Variants in DHX15 observed in about 807,000 individuals in gnomAD.
DHX15 encodes the protein DEAH-box helicase 15, also known as ATP-dependent RNA helicase DHX15.
In DHX15, 11 loss-of-function variants were observed where a neutral mutation model predicts 94.4. That is an observed-to-expected ratio of 0.12 (90% CI 0.07 to 0.19). The LOEUF is 0.19. Ranked by LOEUF, DHX15 falls within the 10% of genes least tolerant of loss-of-function variation. The probability of loss-of-function intolerance (pLI) is 1.00; values close to 1 mark genes in which losing one functional copy is unlikely to be tolerated. For synonymous variants in DHX15, 338 were observed against 329.9 expected, an observed-to-expected ratio of 1.02 and a Z score of -0.27; for missense variants, 304 against 988.5, an observed-to-expected ratio of 0.31 and a Z score of 9.29.
intron 6 of DHX15, among the ~76,000 whole-genome samples, chr4:24,547,893 G>GTATATATATATA (rs1403248233): frequency 7.5e-5 from 5 of 66,732 alleles, no homozygotes; most frequent in Non-Finnish European, 1.6e-4. Flanking sequence ...CTCTCTCTAT[G>GTATATATATATA]TATGTATGTG....
chr4:24,558,719 T>C lies in DHX15; in HGVS notation c.702-2309A>G, dbSNP rs541486016. Among the ~76,000 whole-genome samples, 10 of 152,234 alleles carry C rather than the reference T, an allele frequency of 6.6e-5. No homozygotes were observed. In the East Asian group the frequency reaches 1.7e-3, roughly 26 times the overall value. On this transcript the variant is annotated intron_variant, in intron 3 of 13. Transcript: ENST00000336812. ...AGTTAATATGGGATACTGCTGTTTG[T>C]ACAATGAATAATTTCAAGAAAAATG...
At position 24,537,292 on chromosome 4, in the gene DHX15, C is replaced by T; in HGVS notation, c.1787-119G>A. 1 of 1,315,608 alleles carries T rather than the reference C, an allele frequency of 7.6e-7. No individual in the cohort carries two copies. The highest frequency in any genetic ancestry group is 1.0e-6 in the Non-Finnish European group (1 of 967,468). The allele number at this position is 1,315,608 out of a possible 1,614,324, so 81.5% of individuals were successfully genotyped here. A position where few individuals can be genotyped will look rare whatever the true frequency, so the allele number is the denominator to read the frequency against. On this transcript the variant is annotated intron_variant, in intron 10 of 13. Coordinates refer to ENST00000336812, the MANE Select transcript of DHX15 (RefSeq NM_001358.3). The surrounding 1 kb of genome is among the most constrained non-coding windows in gnomAD (Gnocchi z 4.7). Reference sequence around the variant, plus strand: ...CAGAGCATAGGGCAGGGCAGGATGGCCTCCAACTGCATCTTGGATTGTTTA... The same window carrying T: ...CAGAGCATAGGGCAGGGCAGGATGGTCTCCAACTGCATCTTGGATTGTTTA...
intron 6 of DHX15, among the ~76,000 whole-genome samples, chr4:24,548,036 C>T (rs1452460347): frequency 2.0e-5 from 3 of 149,284 alleles, no homozygotes; most frequent in Non-Finnish European, 4.4e-5. Context: ...CAAAGTATCT[C>T]AGAAATAGGG....
chr4:24,576,038 C>T (rs1219074631), intron 2 of DHX15, among the ~76,000 whole-genome samples: 1 of 152,122 alleles, frequency 6.6e-6, no homozygotes, highest in East Asian at 1.9e-4. Context: ...AAAGCGAGCA[C>T]CACTATTTTC....
In DHX15 at chr4:24,529,916, G is replaced by A. The variant is rs563886320; in HGVS notation, c.2101-146C>T. 629 of 846,816 alleles carry A rather than the reference G, an allele frequency of 7.4e-4. 7 individuals are homozygous for A. The South Asian group carries it at 1.0e-2, about 13-fold the overall frequency. The allele number at this position is 846,816 out of a possible 1,614,324, so 52.5% of individuals were successfully genotyped here. On this transcript the variant is annotated intron_variant, in intron 12 of 13. Transcript: ENST00000336812. ...TTTATCACTGTCTGATAAAAGCAGA[G>A]ATAAGCAAACTGCTGCCTGTGGGCC...
intron 6 of DHX15, among the ~76,000 whole-genome samples, chr4:24,545,422 C>T (rs941595261): frequency 1.3e-5 from 2 of 152,104 alleles, no homozygotes; most frequent in African/African-American, 2.4e-5. Flanking sequence ...TAACAATTCG[C>T]GGATACATGA....
At chr4:24,556,914 C>T (rs1030401621) in intron 3 of DHX15, among the ~76,000 whole-genome samples, 10 of 152,100 alleles carry the variant, frequency 6.6e-5, no homozygotes, top group South Asian at 4.1e-4. Context: ...GGGCTGAAAG[C>T]GTGAGTCCTC....
chr4:24,549,151 T>C, intron 5 of DHX15, 129 bp from the exon 6 acceptor site: 1 of 709,694 alleles, frequency 1.4e-6, no homozygotes, highest in East Asian at 2.9e-5. Context: ...TGTTTTCAAT[T>C]TAGTAACCAA....
intron 5 of DHX15, among the ~76,000 whole-genome samples, chr4:24,551,976 T>C (rs1048909758): frequency 1.3e-5 from 2 of 152,322 alleles, no homozygotes; most frequent in Middle Eastern, 3.4e-3. Context: ...ATGATGACTA[T>C]GTAGGATATA....
intron 6 of DHX15, among the ~76,000 whole-genome samples, chr4:24,548,429 C>T (rs574896073): frequency 1.8e-4 from 27 of 152,048 alleles, no homozygotes; most frequent in Non-Finnish European, 3.7e-4. Flanking sequence ...AGGCCTGAGC[C>T]GCCACGCCCG....
chr4:24,571,118 T>C (rs181098620), intron 2 of DHX15, among the ~76,000 whole-genome samples: 14 of 152,334 alleles, frequency 9.2e-5, no homozygotes, highest in African/African-American at 3.4e-4. Context: ...AGTATTTCTC[T>C]ATGCAATTTT....
At chr4:24,550,332 CATTAA>C (rs1308814533) in intron 5 of DHX15, among the ~76,000 whole-genome samples, 3 of 151,846 alleles carry the variant, frequency 2.0e-5, no homozygotes, top group Non-Finnish European at 4.4e-5. Context: ...TTTCTTTCTT[CATTAA>C]ATTAACCTTA....
chr4:24,529,837 A>G (rs1017443817), intron 12 of DHX15, 67 bp from the exon 13 acceptor site: 2 of 1,495,382 alleles, frequency 1.3e-6, no homozygotes, highest in Non-Finnish European at 9.3e-7. Flanking sequence ...AGCTACCTAC[A>G]TAATTAGGAA....
At chr4:24,584,281 A>G (rs925102117) in intron 1 of DHX15, 42 bp downstream of exon 1, 11 of 1,588,322 alleles carry the variant, frequency 6.9e-6, no homozygotes, top group South Asian at 5.7e-5. Flanking sequence ...CAGGACCCCA[A>G]CAAAGCCCGA....
chr4:24,533,923 T>A lies in DHX15; in HGVS notation c.1910-869A>T, dbSNP rs952710139. ...TTCTCTTGCTACTGTGATGTATGCT[T>A]ATCTTCAGCATACTCTTTTCTCTTT... On this transcript the variant is annotated intron_variant, in intron 11 of 13. Transcript: ENST00000336812. The A allele has an allele frequency of 2.0e-5, 3 of 152,362 alleles. No individual in the cohort carries two copies. The East Asian group carries it at 5.8e-4, about 29-fold the overall frequency. 9.4% of individuals were successfully genotyped at this position (152,362 alleles called of 1,614,324 possible).
At chr4:24,582,028 C>CT (rs1201065195) in intron 1 of DHX15, among the ~76,000 whole-genome samples, 1 of 152,062 alleles carries the variant, frequency 6.6e-6, no homozygotes, top group African/African-American at 2.4e-5. Context: ...GTTTGTAAGA[C>CT]TGACAAGCTT....
intron 1 of DHX15, among the ~76,000 whole-genome samples, chr4:24,582,488 T>C (rs1722438205): frequency 6.6e-6 from 1 of 152,240 alleles, no homozygotes; most frequent in African/African-American, 2.4e-5. Context: ...ATTCATTCCC[T>C]CCCAGAATAT....
In DHX15 at chr4:24,532,885, C is replaced by T. The variant is rs143258066; in HGVS notation, c.2079G>A (p.Leu693=). 1.4e-3 allele frequency: 2,301 copies of T among 1,608,502 alleles called. 8 individuals carry two copies. The highest frequency in any genetic ancestry group is 3.5e-3 in the Middle Eastern group (21 of 6,010). The change falls in exon 12 of 14, where the codon TTG becomes TTA. Residue 693 remains leucine, a synonymous_variant. Coordinates refer to ENST00000336812, the MANE Select transcript of DHX15 (RefSeq NM_001358.3). The part of the protein sequence containing the change: ...RDYYINIRKA[L]VTGYFMQVAH... ...ATACCTGCATAAAATACCCAGTAAC[C>T]AAAGCTTTTCTTATATTAATATAAT...
intron 12 of DHX15, 85 bp from the exon 13 acceptor site, chr4:24,529,855 G>A: frequency 1.5e-6 from 2 of 1,366,126 alleles, no homozygotes; most frequent in Admixed American, 1.8e-5. Context: ...GAAGAGGCAG[G>A]CCTCCCTTTT....
Sources: allele counts gnomAD v4.1 joint callset (sites outside exome capture counted in the v4.1 genomes callset), GRCh38; gene constraint gnomAD v4.1.1; non-coding constraint Gnocchi (gnomAD v3.1); transcripts MANE v1.5; gene names NCBI Gene and HGNC (gene_info 2026-07-23, HGNC 2026-07-21).